DPP10: variants seen among roughly 807,000 people sequenced by gnomAD.
DPP10 encodes inactive dipeptidyl peptidase 10.
A neutral mutation model predicts 120.9 loss-of-function variants in DPP10; 33 were observed. The ratio of observed to expected loss-of-function variants is 0.27; its 90% CI spans 0.21 to 0.37. The LOEUF (loss-of-function observed/expected upper bound fraction) is 0.37, where lower values mean the gene tolerates loss of function less well. Ranked by LOEUF, DPP10 falls within the 10% of genes least tolerant of loss-of-function variation. The pLI, the probability that DPP10 is intolerant of heterozygous loss-of-function variation, is 1.00. For synonymous variants in DPP10, 337 were observed against 326.1 expected, an observed-to-expected ratio of 1.03 and a Z score of -0.36; for missense variants, 816 against 942.8, an observed-to-expected ratio of 0.87 and a Z score of 1.76.
chr2:115,689,554 A>C, intron 5 of DPP10, 133 bp from the exon 6 acceptor site: 6 of 662,960 alleles, frequency 9.1e-6, no homozygotes, highest in Non-Finnish European at 1.5e-5. Context: ...TAAACTTCTG[A>C]GCTAGAATGT....
At chr2:115,537,568 T>G (rs1237145115) in intron 5 of DPP10, among the ~76,000 whole-genome samples, 2 of 150,810 alleles carry the variant, frequency 1.3e-5, no homozygotes, top group African/African-American at 2.4e-5. Flanking sequence ...TCACTGTTTT[T>G]TTTTTTTTTT....
intron 24 of DPP10, among the ~76,000 whole-genome samples, chr2:115,837,804 A>G (rs1452023504): frequency 2.6e-5 from 4 of 151,944 alleles, no homozygotes; most frequent in African/African-American, 9.7e-5. Flanking sequence ...ATTCTATCAG[A>G]TATCCAGCCA....
chr2:115,406,090 A>G (rs2068490360), intron 3 of DPP10, among the ~76,000 whole-genome samples: 1 of 152,130 alleles, frequency 6.6e-6, no homozygotes, highest in South Asian at 2.1e-4. Context: ...TTTTCACTCT[A>G]CTTCCCTTCT....
At chr2:114,682,354 G>A (rs1171194606) in intron 1 of DPP10, among the ~76,000 whole-genome samples, 2 of 151,930 alleles carry the variant, frequency 1.3e-5, no homozygotes, top group Admixed American at 1.3e-4. Context: ...TTGAAAACAT[G>A]GCTTTAGAGG....
At chr2:115,169,713 G>C (rs1317859447) in intron 1 of DPP10, among the ~76,000 whole-genome samples, 3 of 152,120 alleles carry the variant, frequency 2.0e-5, no homozygotes, top group Non-Finnish European at 4.4e-5. Flanking sequence ...TTTAAGAAAA[G>C]TTAGTTGAGT....
At chr2:115,204,374 A>G (rs1348215042) in intron 1 of DPP10, among the ~76,000 whole-genome samples, 3 of 152,210 alleles carry the variant, frequency 2.0e-5, no homozygotes, top group Non-Finnish European at 4.4e-5. Context: ...GAAAAAGACT[A>G]AGCCTCTAGC....
intron 1 of DPP10, 59 bp downstream of exon 1, chr2:114,442,897 CA>C: frequency 5.6e-6 from 9 of 1,596,962 alleles, no homozygotes; most frequent in Non-Finnish European, 7.7e-6. Context: ...CTACCTAACA[CA>C]TGGGCATTGA....
chr2:114,688,478 A>G (rs1559004859), intron 1 of DPP10, among the ~76,000 whole-genome samples: 1 of 151,922 alleles, frequency 6.6e-6, no homozygotes, highest in Non-Finnish European at 1.5e-5. Context: ...GAAATGCAAC[A>G]AAACCACCAA....
intron 1 of DPP10, among the ~76,000 whole-genome samples, chr2:115,092,766 TTTGA>T (rs749461182): frequency 6.6e-5 from 10 of 152,190 alleles, no homozygotes; most frequent in Non-Finnish European, 1.3e-4. Context: ...TTGTTTTACC[TTTGA>T]TTGAGTTTTT....
intron 1 of DPP10, among the ~76,000 whole-genome samples, chr2:115,232,285 A>C (rs1281449846): frequency 2.0e-5 from 3 of 151,970 alleles, no homozygotes; most frequent in African/African-American, 7.2e-5. Flanking sequence ...GCTTATAGTT[A>C]CTACTAAGAG....
chr2:115,088,779 A>C (rs1339869424), intron 1 of DPP10, among the ~76,000 whole-genome samples: 5 of 146,778 alleles, frequency 3.4e-5, no homozygotes, highest in Admixed American at 6.8e-5. Context: ...ACCAAAAAAC[A>C]AAAAAAACCT....
chr2:114,522,845 G>C (rs143810138), intron 1 of DPP10, among the ~76,000 whole-genome samples: 72 of 152,312 alleles, frequency 4.7e-4, no homozygotes, highest in African/African-American at 1.7e-3. Context: ...GAGAGAACTT[G>C]TGCAGGGAAA....
chr2:114,758,810 T>C (rs17043512), intron 1 of DPP10, among the ~76,000 whole-genome samples: 2,598 of 152,288 alleles, frequency 0.017, 70 homozygotes, highest in African/African-American at 0.059. Flanking sequence ...GCACTTAGTT[T>C]GTCAGAAAAT....
At chr2:115,343,422 A>C (rs1342985529) in intron 2 of DPP10, among the ~76,000 whole-genome samples, 1 of 152,108 alleles carries the variant, frequency 6.6e-6, no homozygotes, top group Non-Finnish European at 1.5e-5. Context: ...TTTGGTTTTT[A>C]ACAACAAAAC....
At chr2:115,277,258 A>G (rs1262239661) in intron 1 of DPP10, among the ~76,000 whole-genome samples, 1 of 152,134 alleles carries the variant, frequency 6.6e-6, no homozygotes, top group Non-Finnish European at 1.5e-5. Flanking sequence ...CTGACTTACC[A>G]TTTCAGAAAG....
intron 1 of DPP10, among the ~76,000 whole-genome samples, chr2:115,244,368 A>G (rs957118150): frequency 2.6e-5 from 4 of 151,678 alleles, no homozygotes; most frequent in African/African-American, 9.7e-5. Context: ...AGCCATAATC[A>G]TAGCAAAATA....
intron 2 of DPP10, chr2:115,342,011 A>G: frequency 2.7e-6 from 1 of 363,690 alleles, no homozygotes; most frequent in Admixed American, 3.5e-5. Context: ...GTTTTATAAG[A>G]AAATGCCAGA....
chr2:114,547,119 T>C (rs541461719), intron 1 of DPP10, among the ~76,000 whole-genome samples: 251 of 152,372 alleles, frequency 1.6e-3, no homozygotes, highest in African/African-American at 5.9e-3. Context: ...AAACAGGCAG[T>C]GCCCCTGTGG....
At chr2:115,170,390 A>G (rs752618024) in intron 1 of DPP10, among the ~76,000 whole-genome samples, 1 of 152,296 alleles carries the variant, frequency 6.6e-6, no homozygotes, top group African/African-American at 2.4e-5. Context: ...AACTGAGACA[A>G]TGTTTGAATA....
Sources: allele counts gnomAD v4.1 joint callset (sites outside exome capture counted in the v4.1 genomes callset), GRCh38; gene constraint gnomAD v4.1.1; transcripts MANE v1.5; gene names NCBI Gene and HGNC (gene_info 2026-07-23, HGNC 2026-07-21).